Variants in ASXL2 observed in about 807,000 individuals in gnomAD.
The protein encoded by ASXL2 is putative Polycomb group protein ASXL2.
A neutral mutation model predicts 122.0 loss-of-function variants in ASXL2; 23 were observed. The observed-to-expected ratio is 0.19, with a 90% confidence interval of 0.14 to 0.27. The LOEUF (loss-of-function observed/expected upper bound fraction) is 0.27, where lower values mean the gene tolerates loss of function less well. ASXL2 is among the 10% of genes least tolerant of loss of function. The pLI is 1.00. For synonymous variants in ASXL2, 650 were observed against 637.0 expected (o/e 1.02, Z -0.31); for missense variants, 1,518 against 1,713.8 (o/e 0.89, Z 2.02).
intron 1 of ASXL2, among the ~76,000 whole-genome samples, chr2:25,858,700 C>A (rs538379322): frequency 1.4e-5 from 2 of 146,682 alleles, no homozygotes; most frequent in Non-Finnish European, 3.0e-5. Context: ...TCCAGCCTGG[C>A]GACAGAGCGA....
intron 1 of ASXL2, among the ~76,000 whole-genome samples, chr2:25,863,937 T>G (rs1403001854): frequency 1.4e-5 from 2 of 142,148 alleles, no homozygotes; most frequent in East Asian, 2.1e-4. Context: ...ACCCGGGAGG[T>G]GGGGGCTGCA....
intron 4 of ASXL2, among the ~76,000 whole-genome samples, chr2:25,801,856 A>C (rs955161648): frequency 6.6e-6 from 1 of 152,112 alleles, no homozygotes; most frequent in Non-Finnish European, 1.5e-5. Flanking sequence ...AATCTATCCT[A>C]CTTGAGTTAT....
intron 10 of ASXL2, among the ~76,000 whole-genome samples, chr2:25,754,001 T>G (rs2088090536): frequency 6.6e-6 from 1 of 152,232 alleles, no homozygotes; most frequent in Admixed American, 6.6e-5. Context: ...GTGCTTTCAA[T>G]AAACTATGCC....
intron 2 of ASXL2, among the ~76,000 whole-genome samples, chr2:25,844,308 T>C (rs2089623830): frequency 6.6e-6 from 1 of 152,098 alleles, no homozygotes. Flanking sequence ...TGGCCAGGCA[T>C]GGTGACTCAT....
intron 1 of ASXL2, among the ~76,000 whole-genome samples, chr2:25,877,609 A>T (rs1252195121): frequency 6.6e-6 from 1 of 152,064 alleles, no homozygotes; most frequent in Admixed American, 6.5e-5. Context: ...CACCTCCTGC[A>T]CTTTCGGCTC....
chr2:25,779,966 C>T (rs2088607377), intron 5 of ASXL2, among the ~76,000 whole-genome samples: 2 of 152,166 alleles, frequency 1.3e-5, no homozygotes, highest in Admixed American at 1.3e-4. Context: ...CTCCCAGGTT[C>T]AAGCAATTCT....
chr2:25,862,620 G>A (rs992483377), intron 1 of ASXL2, among the ~76,000 whole-genome samples: 2 of 152,166 alleles, frequency 1.3e-5, no homozygotes, highest in African/African-American at 4.8e-5. Flanking sequence ...TGTTTTTTGA[G>A]ACAGAATCCC....
In ASXL2 at chr2:25,743,795, G is replaced by A; in HGVS notation, c.2542C>T (p.His848Tyr). ...TCAACTGTGCCATCAGCTGCACAAT[G>A]AACAGGTGAGGCACCTGAGATTAGA... ...PALISGASPVHCAADGTVELK... is the reference protein window; with the variant it reads ...PALISGASPVYCAADGTVELK... Residue 848 changes from histidine (H) to tyrosine (Y), a missense_variant, in exon 13 of 13, where the codon CAT becomes TAT. By Grantham distance (83) the His-to-Tyr change is moderately conservative. Coordinates refer to ENST00000435504, the MANE Select transcript of ASXL2 (RefSeq NM_018263.6). 1.2e-6 allele frequency: 2 copies of A among 1,613,994 alleles called. No homozygotes were observed. Among genetic ancestry groups the A allele is most frequent in the Non-Finnish European group, 1.7e-6 (2 of 1,179,904 alleles).
At chr2:25,820,401 T>C (rs991280267) in intron 3 of ASXL2, among the ~76,000 whole-genome samples, 1 of 152,236 alleles carries the variant, frequency 6.6e-6, no homozygotes, top group African/African-American at 2.4e-5. Flanking sequence ...AATAAATGTA[T>C]ATGATTTTTA....
chr2:25,828,611 G>C (rs1052946284), intron 3 of ASXL2, among the ~76,000 whole-genome samples: 46 of 151,346 alleles, frequency 3.0e-4, no homozygotes, highest in African/African-American at 9.5e-4. Context: ...AGATCACGAG[G>C]TCAGGAGTTT....
At chr2:25,778,068 C>T (rs1055084153) in intron 5 of ASXL2, among the ~76,000 whole-genome samples, 2 of 152,162 alleles carry the variant, frequency 1.3e-5, no homozygotes, top group African/African-American at 4.8e-5. Flanking sequence ...AAGATTTGAA[C>T]TTCATTTTCA....
At chr2:25,857,744 T>C (rs1284890061) in intron 1 of ASXL2, among the ~76,000 whole-genome samples, 2 of 152,338 alleles carry the variant, frequency 1.3e-5, no homozygotes, top group South Asian at 2.1e-4. Flanking sequence ...CAGCTTTCAC[T>C]TTCCCCACAG....
chr2:25,738,547 GC>G lies in ASXL2; in HGVS notation c.*3481del, dbSNP rs2087774385. 6.6e-6 allele frequency: 1 copy of G among 152,188 alleles called. No individual in the cohort carries two copies. Among genetic ancestry groups the G allele is most frequent in the African/African-American group, 2.4e-5 (1 of 41,446 alleles). 9.4% of individuals were successfully genotyped at this position (152,188 alleles called of 1,614,324 possible). On this transcript the variant is annotated 3_prime_UTR_variant, in exon 13 of 13. Transcript: ENST00000435504. ...GTCAAAGAGAAAACACTCTGGCACTGCTCACTGATAGTGAGTTCTAGAAATA... is the reference window on the plus strand; with the variant it reads ...GTCAAAGAGAAAACACTCTGGCACTGTCACTGATAGTGAGTTCTAGAAATA...
At chr2:25,821,981 T>G (rs1200619800) in intron 3 of ASXL2, among the ~76,000 whole-genome samples, 1 of 152,180 alleles carries the variant, frequency 6.6e-6, no homozygotes, top group Non-Finnish European at 1.5e-5. Context: ...TATGATGCAA[T>G]GAGTTGCAAG....
chr2:25,782,147 C>T (rs552734748), intron 5 of ASXL2, among the ~76,000 whole-genome samples: 20 of 152,018 alleles, frequency 1.3e-4, no homozygotes, highest in African/African-American at 3.9e-4. Flanking sequence ...GTTTGTCAGA[C>T]GCAAAATCGT....
intron 3 of ASXL2, among the ~76,000 whole-genome samples, chr2:25,819,117 AC>A (rs1186367636): frequency 6.6e-6 from 1 of 152,064 alleles, no homozygotes; most frequent in Non-Finnish European, 1.5e-5. Context: ...CTTTCCAACA[AC>A]CACATGAGCT....
intron 1 of ASXL2, among the ~76,000 whole-genome samples, chr2:25,860,259 C>T (rs1373577456): frequency 6.6e-6 from 1 of 151,484 alleles, no homozygotes; most frequent in Non-Finnish European, 1.5e-5. Context: ...TGCAGTGGGC[C>T]GAGGTCGCGC....
In ASXL2 at chr2:25,742,337, A is replaced by C. The variant is rs191895729; in HGVS notation, c.4000T>G (p.Ser1334Ala). The C allele has an allele frequency of 2.5e-6, 4 of 1,610,358 alleles. No individual in the cohort carries two copies. The African/African-American group carries it at 5.4e-5, about 22-fold the overall frequency. Residue 1334 changes from serine to alanine, a missense_variant, in exon 13 of 13, where the codon TCC becomes GCC. Around this residue, in one of 8 missense-constraint regions of ASXL2, gnomAD observed 831 missense variants for 833.1 expected, o/e 1.00. Coordinates refer to ENST00000435504, the MANE Select transcript of ASXL2 (RefSeq NM_018263.6). ...TTATGGTCCATGTCAGATGAGGTGG[A>C]GACATTGATCATGCCTCTATAGCTT... ...GPSYRGMINV[S>A]TSSDMDHNSA... is the part of the protein sequence containing the mutation.
chr2:25,759,793 T>G (rs1177419845), intron 8 of ASXL2, 148 bp from the exon 9 acceptor site: 11 of 817,390 alleles, frequency 1.3e-5, no homozygotes, highest in Non-Finnish European at 1.8e-5. Context: ...ATCTTAGAAT[T>G]TTCTTCTAAG....
Sources: gnomAD v4.1 joint callset for allele counts (sites outside exome capture counted in the v4.1 genomes callset) on GRCh38, gnomAD v4.1.1 for gene constraint, gnomAD v4.1.1 regional missense constraint, MANE v1.5 for transcripts, NCBI Gene and HGNC (gene_info 2026-07-23, HGNC 2026-07-21) for gene names.